SCGB2B2: variants seen among roughly 807,000 people sequenced by gnomAD.
The protein encoded by SCGB2B2 is secretoglobin family 2B member 2.
A neutral mutation model predicts 7.6 loss-of-function variants in SCGB2B2; 11 were observed. The observed-to-expected ratio is 1.45, with a 90% CI of 0.91 to 2.40. The LOEUF (loss-of-function observed/expected upper bound fraction) is 2.40. Among genes scored for constraint, SCGB2B2 ranks in the 30% most tolerant of loss-of-function variants. SCGB2B2 has a pLI of 0.00. For synonymous variants in SCGB2B2, 50 were observed against 48.6 expected (o/e 1.03, Z -0.12); for missense variants, 104 against 115.4 (o/e 0.90, Z 0.45).
intron 1 of SCGB2B2, among the ~76,000 whole-genome samples, chr19:34,663,961 T>C (rs1019288665): frequency 2.0e-5 from 3 of 151,654 alleles, no homozygotes; most frequent in South Asian, 2.1e-4. Context: ...ACAGCCGGGT[T>C]GTCCTCCCCG....
chr19:34,667,902 T>A (rs8108926), intron 1 of SCGB2B2, among the ~76,000 whole-genome samples: 32,399 of 149,850 alleles, frequency 0.22, 3,220 homozygotes, highest in Middle Eastern at 0.28. Flanking sequence ...GCCAGCAAGC[T>A]CCCCCAGCTG....
chr19:34,629,435 A>C (rs1243498583), intron 1 of SCGB2B2, among the ~76,000 whole-genome samples: 1 of 151,968 alleles, frequency 6.6e-6, no homozygotes, highest in Non-Finnish European at 1.5e-5. Context: ...CAGGATACAA[A>C]ATCAATGTGC....
chr19:34,662,162 G>A (rs1016176413), intron 1 of SCGB2B2, among the ~76,000 whole-genome samples: 3 of 152,216 alleles, frequency 2.0e-5, no homozygotes, highest in East Asian at 1.9e-4. Flanking sequence ...TTACAGGTGT[G>A]AGCCACCGCG....
chr19:34,671,545 T>C (rs1387137682), intron 1 of SCGB2B2, among the ~76,000 whole-genome samples: 4 of 152,178 alleles, frequency 2.6e-5, no homozygotes, highest in Non-Finnish European at 5.9e-5. Flanking sequence ...TTGGATTGCA[T>C]TGAATATATG....
At chr19:34,636,135 G>T (rs1046358823) in intron 1 of SCGB2B2, among the ~76,000 whole-genome samples, 2 of 152,202 alleles carry the variant, frequency 1.3e-5, no homozygotes, top group African/African-American at 4.8e-5. Context: ...CAACCTGAAA[G>T]CAAAGAAATA....
chr19:34,646,126 C>G (rs12976962), intron 1 of SCGB2B2: 55,767 of 176,982 alleles, frequency 0.32, 9,513 homozygotes, highest in Non-Finnish European at 0.38. Flanking sequence ...GGCCTTATGC[C>G]CTGCACTTAC....
At chr19:34,590,395 A>G (rs963700618), downstream of SCGB2B2, among the ~76,000 whole-genome samples, 12 of 71,790 alleles carry the variant, frequency 1.7e-4, no homozygotes, top group Admixed American at 4.6e-4. Flanking sequence ...CCATCCATCC[A>G]TTCATCCATT....
At position 34,676,049 on chromosome 19, in the gene SCGB2B2, C is replaced by G. The variant is rs1423356827; in HGVS notation, c.-2451G>C. 6.6e-6 allele frequency: 1 copy of G among 152,198 alleles called. No individual in the cohort carries two copies. Among genetic ancestry groups the G allele is most frequent in the Non-Finnish European group, 1.5e-5 (1 of 68,076 alleles). 9.4% of individuals were successfully genotyped at this position (152,198 alleles called of 1,614,324 possible). On this transcript the variant is annotated 5_prime_UTR_variant, in exon 1 of 4. Coordinates refer to ENST00000601241, the MANE Select transcript of SCGB2B2 (RefSeq NM_001025591.4). The stretch of plus-strand genomic sequence containing the variant: ...CCCAGCGCGGTTGCCGCTGGTTGTT[C>G]GGGTGGCCCGTTTTTATTCCCTTAT...
intron 1 of SCGB2B2, among the ~76,000 whole-genome samples, chr19:34,602,901 G>A (rs1472862600): frequency 6.6e-6 from 1 of 152,100 alleles, no homozygotes; most frequent in Non-Finnish European, 1.5e-5. Flanking sequence ...TTCCTGCAGG[G>A]ACACTGATGG....
intron 1 of SCGB2B2, among the ~76,000 whole-genome samples, chr19:34,617,611 T>G (rs955485104): frequency 2.0e-5 from 3 of 152,190 alleles, no homozygotes; most frequent in Non-Finnish European, 2.9e-5. Context: ...TTTCAAGATA[T>G]ACAATCATGT....
chr19:34,594,179 A>G lies in SCGB2B2; in HGVS notation c.242T>C (p.Val81Ala), dbSNP rs2065376411. The G allele has an allele frequency of 2.5e-6, 4 of 1,613,762 alleles. No individual in the cohort carries two copies. The highest frequency in any genetic ancestry group is 2.5e-6 in the Non-Finnish European group (3 of 1,179,824). Residue 81 changes from valine (V) to alanine (A), a missense_variant, in exon 3 of 4, where the codon GTT becomes GCT. Transcript: ENST00000601241. The stretch of plus-strand genomic sequence containing the variant: ...GGTCCCCCCGGGCACACTCACAATA[A>G]CAACTGAATGAGCAAATCTTTCTGT... ...SVTERFAHSV[V>A]IKKILQSNDC...
At chr19:34,619,940 A>C (rs971341664) in intron 1 of SCGB2B2, among the ~76,000 whole-genome samples, 1 of 152,206 alleles carries the variant, frequency 6.6e-6, no homozygotes, top group Non-Finnish European at 1.5e-5. Flanking sequence ...TACTTGGATG[A>C]ATAACCTTTT....
chr19:34,648,896 T>A (rs755863018), intron 1 of SCGB2B2, among the ~76,000 whole-genome samples: 1 of 151,874 alleles, frequency 6.6e-6, no homozygotes, highest in Admixed American at 6.6e-5. Context: ...TTATGATTTA[T>A]TTTATTTATT....
rs771388840 is a variant in SCGB2B2 at position 34,644,342 on chromosome 19, GTTTTTTTGTTTT to G, written c.-2032+31276_-2032+31287del. ...TGCCACCTTGCCCAGCCCCAGCCTTGTTTTTTTGTTTTTTTTTTTGTTTTTTTTTTTTTACTC... is the reference window on the plus strand; with the variant it reads ...TGCCACCTTGCCCAGCCCCAGCCTTGTTTTTTTGTTTTTTTTTTTTTACTC... On this transcript the variant is annotated intron_variant, in intron 1 of 3. Coordinates refer to ENST00000601241, the MANE Select transcript of SCGB2B2 (RefSeq NM_001025591.4). 1.3e-3 allele frequency among the ~76,000 whole-genome samples: 152 copies of G among 117,964 alleles called. 2 individuals carry two copies. In the East Asian group the frequency reaches 0.031, roughly 24 times the overall value. 77.4% of individuals were successfully genotyped at this position (117,964 alleles called of 152,430 possible).
At chr19:34,637,749 ATGTT>A (rs1375049418) in intron 1 of SCGB2B2, 2 of 151,948 alleles carry the variant, frequency 1.3e-5, no homozygotes, top group Non-Finnish European at 2.9e-5. Context: ...AAAATAATGA[ATGTT>A]TGGTTTGTCA....
chr19:34,674,950 T>C (rs1035862404), intron 1 of SCGB2B2, among the ~76,000 whole-genome samples: 6 of 152,232 alleles, frequency 3.9e-5, no homozygotes, highest in African/African-American at 1.2e-4. Context: ...TTTTTTCCTA[T>C]GTCTCTTGCA....
chr19:34,593,851 G>A (rs538019388), intron 3 of SCGB2B2, among the ~76,000 whole-genome samples: 35 of 152,120 alleles, frequency 2.3e-4, no homozygotes, highest in African/African-American at 6.5e-4. Flanking sequence ...TGTTAACAGC[G>A]TCCTGTGTGA....
rs144987481 is a variant in SCGB2B2 at position 34,592,545 on chromosome 19, C to T, written c.*1010G>A. ...TGAGCTGATAGGGGTAGGCGACCAC[C>T]GCCTGGGAGGTCCAAGGAGCCTGCG... On this transcript the variant is annotated 3_prime_UTR_variant, in exon 4 of 4. Transcript: ENST00000601241. 2.6e-4 allele frequency among the ~76,000 whole-genome samples: 39 copies of T among 152,142 alleles called. No homozygotes were observed. The highest frequency in any genetic ancestry group is 4.6e-4 in the Admixed American group (7 of 15,290).
At chr19:34,635,903 G>A (rs552333456) in intron 1 of SCGB2B2, among the ~76,000 whole-genome samples, 24 of 152,324 alleles carry the variant, frequency 1.6e-4, no homozygotes, top group Admixed American at 1.3e-3. Context: ...CTGGTGCTAG[G>A]GGGTGTCTGT....
Sources: gnomAD v4.1 joint callset for allele counts (sites outside exome capture counted in the v4.1 genomes callset) on GRCh38, gnomAD v4.1.1 for gene constraint, MANE v1.5 for transcripts, NCBI Gene and HGNC (gene_info 2026-07-23, HGNC 2026-07-21) for gene names.